CABLES1: variants seen among roughly 807,000 people sequenced by gnomAD.
CABLES1 encodes the protein CDK5 and ABL1 enzyme substrate 1.
Under a neutral mutation model 57.8 loss-of-function variants are expected in CABLES1, and 36 were observed. That is an observed-to-expected ratio of 0.62 (90% CI 0.48 to 0.82). CABLES1 has a LOEUF of 0.82. Ranked by LOEUF, CABLES1 falls within the 40% of genes least tolerant of loss-of-function variation. The pLI is 0.00. For missense variants in CABLES1, 767 were observed against 836.6 expected (o/e 0.92, Z 1.03); for synonymous variants, 374 against 363.0 (o/e 1.03, Z -0.35).
chr18:23,251,919 C>T (rs979810685), intron 7 of CABLES1, among the ~76,000 whole-genome samples: 1 of 152,052 alleles, frequency 6.6e-6, no homozygotes, highest in African/African-American at 2.4e-5. Context: ...AACTCAGTCT[C>T]TCTTAAAAAT....
chr18:23,161,034 A>G (rs1369993048), intron 1 of CABLES1, among the ~76,000 whole-genome samples: 1 of 151,266 alleles, frequency 6.6e-6, no homozygotes. Flanking sequence ...GTGAGACTCA[A>G]AAAAAAGAGA....
rs1454036455 is a variant in CABLES1, at chr18:23,136,152, G to A, written c.390G>A (p.Ala130=). Residue 130 remains alanine (A), a synonymous_variant, in exon 1 of 10, where the codon GCG becomes GCA. Transcript: ENST00000256925. The stretch of plus-strand genomic sequence containing the variant: ...TCGCCGCGCCGGGCACGCCGGCTGC[G>A]GGGTTAGCCGCTGGGTCCGGCCCCT... The part of the protein sequence containing the change: ...IALAAPGTPA[A]GLAAGSGPCL... The A allele has an allele frequency of 9.1e-6, 11 of 1,209,130 alleles. No individual in the cohort carries two copies. Among genetic ancestry groups the A allele is most frequent in the Non-Finnish European group, 9.2e-6 (9 of 973,802 alleles). 74.9% of individuals were successfully genotyped at this position (1,209,130 alleles called of 1,614,324 possible).
chr18:23,242,310 A>ACC (rs1325431295), intron 7 of CABLES1, among the ~76,000 whole-genome samples: 1 of 152,120 alleles, frequency 6.6e-6, no homozygotes, highest in Non-Finnish European at 1.5e-5. Flanking sequence ...GGTGTGCAAA[A>ACC]CAAATTGCAG....
At position 23,251,145 on chromosome 18, in the gene CABLES1, TTGAC is replaced by T. The variant is rs536418031; in HGVS notation, c.1447-1811_1447-1808del. Among the ~76,000 whole-genome samples, 19 of 152,308 alleles carry T rather than the reference TTGAC, an allele frequency of 1.2e-4. No homozygotes were observed. In the East Asian group the frequency reaches 3.5e-3, roughly 28 times the overall value. The stretch of plus-strand genomic sequence containing the variant: ...TCTGTCATTTCTTCTTTCCTGAGCT[TTGAC>T]TGATTAAGATTATGGCATGTAGGCC... On this transcript the variant is annotated intron_variant, in intron 7 of 9. Transcript: ENST00000256925.
At chr18:23,151,066 T>C (rs542881021) in intron 1 of CABLES1, among the ~76,000 whole-genome samples, 62 of 144,246 alleles carry the variant, frequency 4.3e-4, no homozygotes, top group Admixed American at 7.2e-4. Flanking sequence ...TTGCCCAGGC[T>C]GGAGTGCAGT....
intron 1 of CABLES1, among the ~76,000 whole-genome samples, chr18:23,163,146 C>G (rs957119829): frequency 6.6e-6 from 1 of 151,944 alleles, no homozygotes; most frequent in Non-Finnish European, 1.5e-5. Context: ...TCTTGGAGAT[C>G]ACTGGTACCA....
intron 1 of CABLES1, among the ~76,000 whole-genome samples, chr18:23,186,494 C>T (rs2047203809): frequency 6.6e-6 from 1 of 150,998 alleles, no homozygotes; most frequent in Non-Finnish European, 1.5e-5. Context: ...GGCTTGATCT[C>T]GGCTCACTGC....
rs1164603815 is a variant in CABLES1, at chr18:23,223,579, GAA to G, written c.1088+9544_1088+9545del. Among the ~76,000 whole-genome samples, 39 of 71,838 alleles carry G rather than the reference GAA, an allele frequency of 5.4e-4. No individual in the cohort carries two copies. In the East Asian group the frequency reaches 5.7e-3, roughly 10 times the overall value. 47.1% of individuals were successfully genotyped at this position (71,838 alleles called of 152,430 possible). On this transcript the variant is annotated intron_variant, in intron 4 of 9. Transcript: ENST00000256925. The stretch of plus-strand genomic sequence containing the variant: ...GGCAACAGAATGAGACTCCGTCTCA[GAA>G]AAAAAAAAAAAAAAAAAAGTTGGCG...
chr18:23,218,641 C>T (rs1027244881), intron 4 of CABLES1, among the ~76,000 whole-genome samples: 2 of 133,618 alleles, frequency 1.5e-5, no homozygotes, highest in South Asian at 2.5e-4. Context: ...CCCTGCCTCC[C>T]GCATCCTCAC....
At chr18:23,190,017 G>T (rs1376799140) in intron 2 of CABLES1, among the ~76,000 whole-genome samples, 4 of 152,222 alleles carry the variant, frequency 2.6e-5, no homozygotes, top group African/African-American at 4.8e-5. Context: ...TTTTCAAAGC[G>T]TGGGTAACCT....
intron 3 of CABLES1, among the ~76,000 whole-genome samples, chr18:23,202,573 C>CT (rs1188650501): frequency 6.6e-6 from 1 of 152,238 alleles, no homozygotes; most frequent in Non-Finnish European, 1.5e-5. Flanking sequence ...GAAGATAAAT[C>CT]TCAGTTCCCA....
intron 7 of CABLES1, among the ~76,000 whole-genome samples, chr18:23,239,534 C>T (rs938428487): frequency 1.3e-5 from 2 of 152,158 alleles, no homozygotes; most frequent in Non-Finnish European, 2.9e-5. Context: ...GGTTACAGGC[C>T]GTTTCTCATG....
intron 1 of CABLES1, among the ~76,000 whole-genome samples, chr18:23,179,155 G>A (rs1219990240): frequency 1.3e-5 from 2 of 151,952 alleles, no homozygotes; most frequent in African/African-American, 4.8e-5. Context: ...GTATTGTGGC[G>A]GGTCCCTGTA....
At chr18:23,184,429 A>G (rs545407568) in intron 1 of CABLES1, among the ~76,000 whole-genome samples, 24 of 152,152 alleles carry the variant, frequency 1.6e-4, no homozygotes, top group Non-Finnish European at 3.2e-4. Flanking sequence ...TCGGCCGGGC[A>G]TGGTAGCTCA....
At chr18:23,155,950 C>A (rs199865429) in intron 1 of CABLES1, 1 of 1,614,134 alleles carries the variant, frequency 6.2e-7, no homozygotes, top group South Asian at 1.1e-5. Context: ...CTGATTTTCC[C>A]ATGTAAGTTG....
At chr18:23,191,111 C>T (rs1346375332) in intron 2 of CABLES1, among the ~76,000 whole-genome samples, 2 of 150,340 alleles carry the variant, frequency 1.3e-5, no homozygotes, top group East Asian at 3.9e-4. Flanking sequence ...ATTAACCAGG[C>T]ACATGGATGT....
In CABLES1 at chr18:23,258,572, A is replaced by C. The variant is rs2048222854; in HGVS notation, c.*1205A>C. On this transcript the variant is annotated 3_prime_UTR_variant, in exon 10 of 10. Coordinates refer to ENST00000256925, the MANE Select transcript of CABLES1 (RefSeq NM_001100619.3). ...CACTGTCGCCTCATAGCTGCAAGAG[A>C]GAGGCACCAGCTGAAGTTCCCCTGA... 6.6e-6 allele frequency: 1 copy of C among 152,192 alleles called. No individual in the cohort carries two copies. Among genetic ancestry groups the C allele is most frequent in the South Asian group, 2.1e-4 (1 of 4,834 alleles). 9.4% of individuals were successfully genotyped at this position (152,192 alleles called of 1,614,324 possible). A position where few individuals can be genotyped will look rare whatever the true frequency, so the allele number is the denominator to read the frequency against.
intron 4 of CABLES1, among the ~76,000 whole-genome samples, chr18:23,232,468 TC>T (rs1325393273): frequency 2.0e-4 from 31 of 152,232 alleles, no homozygotes; most frequent in African/African-American, 6.8e-4. Flanking sequence ...ATTGCCTTGT[TC>T]ACGTTTTTGC....
At chr18:23,156,025 T>G in intron 1 of CABLES1, 1 of 1,531,686 alleles carries the variant, frequency 6.5e-7, no homozygotes, top group Non-Finnish European at 9.0e-7. Flanking sequence ...CTTTGGATGC[T>G]GACGGTCTTT....
Sources: allele counts gnomAD v4.1 joint callset (sites outside exome capture counted in the v4.1 genomes callset), GRCh38; gene constraint gnomAD v4.1.1; transcripts MANE v1.5; gene names NCBI Gene and HGNC (gene_info 2026-07-23, HGNC 2026-07-21).